The following NBPF10 variants were observed in gnomAD, a reference collection of about 807,000 sequenced individuals.
NBPF10 encodes NBPF member 10, also known as NBPF family member NBPF10.
NBPF10 carries 63 observed loss-of-function variants against 77.9 expected under a neutral mutation model. The ratio of observed to expected loss-of-function variants is 0.81; its 90% confidence interval spans 0.66 to 1.00. The LOEUF (loss-of-function observed/expected upper bound fraction) is 1.00, where lower values mean the gene tolerates loss of function less well. NBPF10 is among the 50% of genes least tolerant of loss of function. The pLI is 0.00. For missense variants in NBPF10, 522 were observed against 679.8 expected (o/e 0.77, Z 2.58); for synonymous variants, 146 against 264.5 (o/e 0.55, Z 4.35).
Position 146,142,551 on chromosome 1 carries a change from C to T in NBPF10, c.278+99G>A, listed in dbSNP as rs7364689. ...GCCTGCCATGGCAATTTCTGCCCTT[C>T]CCCTGGCCCAGCTTCGTTCTTACTT... On this transcript the variant is annotated intron_variant, in intron 2 of 89. Coordinates refer to ENST00000583866, the Ensembl canonical transcript of NBPF10. 6.5e-5 allele frequency: 41 copies of T among 632,470 alleles called. 2 individuals carry two copies. The South Asian group carries it at 7.4e-4, about 11-fold the overall frequency. 39.2% of individuals were successfully genotyped at this position (632,470 alleles called of 1,614,324 possible).
chr1:146,136,017 C>G (rs587734931), intron 7 of NBPF10, among the ~76,000 whole-genome samples: 237 of 149,804 alleles, frequency 1.6e-3, no homozygotes, highest in African/African-American at 4.3e-3. Context: ...GGAGGTGATT[C>G]TCACTAAGGG....
intron 14 of NBPF10, 67 bp downstream of exon 14, chr1:146,126,169 C>A (rs1475547097): frequency 1.1e-6 from 1 of 911,894 alleles, no homozygotes. Context: ...CGGCCACTTG[C>A]AGTAGGAATA....
chr1:146,142,625 G>C, intron 2 of NBPF10, 25 bp downstream of exon 2: 3 of 1,246,404 alleles, frequency 2.4e-6, no homozygotes, highest in Non-Finnish European at 3.4e-6. Context: ...CTACCCGCCT[G>C]CCTCCCCCTA....
Position 146,142,728 on chromosome 1 carries a change from A to T in NBPF10, c.200T>A (p.Ile67Lys). The T allele has an allele frequency of 2.2e-6, 3 of 1,359,690 alleles. 1 individual carries two copies. In the South Asian group the frequency reaches 4.0e-5, roughly 18 times the overall value. The allele number at this position is 1,359,690 out of a possible 1,614,324, so 84.2% of individuals were successfully genotyped here. ...TCGCTCATTCCTCAGCATAAATTTT[A>T]TGAGGTCTTTACACTCTTCATACTC... The change falls in exon 2 of 90, where the codon ATA becomes AAA. Residue 67 changes from isoleucine to lysine, a missense_variant. Transcript: ENST00000583866.
intron 14 of NBPF10, among the ~76,000 whole-genome samples, 176 bp downstream of exon 14, chr1:146,126,060 C>G (rs1455818668): frequency 1.3e-5 from 2 of 151,652 alleles, no homozygotes; most frequent in Admixed American, 6.6e-5. Flanking sequence ...GCTCACTGAC[C>G]CATCCCTTGT....
At chr1:146,104,815 TAC>T (rs1657197785) in intron 41 of NBPF10, among the ~76,000 whole-genome samples, 1 of 330 alleles carries the variant, frequency 3.0e-3, no homozygotes, top group African/African-American at 0.017. Flanking sequence ...GCCATGAGAA[TAC>T]AGTTTTTGAA....
chr1:146,126,359 A>G lies in NBPF10; in HGVS notation c.1903T>C (p.Ser635Pro), dbSNP rs782333643. 25 of 1,385,778 alleles carry G rather than the reference A, an allele frequency of 1.8e-5. No homozygotes were observed. The South Asian group carries it at 2.0e-4, about 11-fold the overall frequency. The allele number at this position is 1,385,778 out of a possible 1,614,324, so 85.8% of individuals were successfully genotyped here. The change falls in exon 14 of 90, where the codon TCA becomes CCA. Residue 635 changes from serine (S) to proline (P), a missense_variant. Physicochemically the swap from Ser to Pro is moderately conservative, Grantham distance 74 (BLOSUM62 -1). Transcript: ENST00000583866. ...GGAGTTGAATAACATCTATCCTGTG[A>G]GTCCTGCAAGACTTCAGGCCCTTTC...
At chr1:146,127,193 G>A (rs187451384) in intron 12 of NBPF10, 114 bp from the exon 13 acceptor site, 9,510 of 603,654 alleles carry the variant, frequency 0.016, 2,532 homozygotes, top group Middle Eastern at 0.049. Flanking sequence ...GAGAACAGGA[G>A]ACTTTCAGAG....
chr1:146,136,393 C>T (rs782660956), exon 7 of NBPF10: 3 of 1,610,314 alleles, frequency 1.9e-6, no homozygotes, highest in Admixed American at 1.7e-5. Flanking sequence ...GCAAGCTTCT[C>T]CTCCTTGAAC....
At chr1:146,135,888 T>C (rs1275172152) in intron 7 of NBPF10, among the ~76,000 whole-genome samples, 273 of 141,376 alleles carry the variant, frequency 1.9e-3, no homozygotes, top group African/African-American at 6.0e-3. Context: ...TACAAAGCCA[T>C]GTACAGAAAT....
At chr1:146,121,910 G>C (rs1571180065) in intron 19 of NBPF10, among the ~76,000 whole-genome samples, 1 of 147,558 alleles carries the variant, frequency 6.8e-6, no homozygotes, top group African/African-American at 2.6e-5. Flanking sequence ...AAGTGACCTA[G>C]TGAATTGGCC....
chr1:146,136,532 C>T (rs1659728341), intron 6 of NBPF10, 77 bp from the exon 7 acceptor site: 39 of 1,012,194 alleles, frequency 3.9e-5, no homozygotes, highest in Non-Finnish European at 2.0e-5. Flanking sequence ...GGACAGGAGC[C>T]AGGTCCATCC....
At position 146,126,957 on chromosome 1, in the gene NBPF10, A is replaced by G; in HGVS notation, c.1853+71T>C. On this transcript the variant is annotated intron_variant, in intron 13 of 89. Transcript: ENST00000583866. ...GACAAAATCATTATTTTCAGGATGTACTGTTTTCCCTGGACTTGGCATCTC... is the reference window on the plus strand; with the variant it reads ...GACAAAATCATTATTTTCAGGATGTGCTGTTTTCCCTGGACTTGGCATCTC... The G allele has an allele frequency of 5.9e-6, 3 of 505,620 alleles. No homozygotes were observed. The South Asian group carries it at 6.1e-5, about 10-fold the overall frequency. 31.3% of individuals were successfully genotyped at this position (505,620 alleles called of 1,614,324 possible). A position where few individuals can be genotyped will look rare whatever the true frequency, so the allele number is the denominator to read the frequency against.
intron 88 of NBPF10, among the ~76,000 whole-genome samples, chr1:146,067,613 T>G (rs587751525): frequency 1.3e-5 from 2 of 150,442 alleles, no homozygotes; most frequent in African/African-American, 4.9e-5. Context: ...AAAACTGCAA[T>G]ATTTAGCCCT....
exon 3 of NBPF10, chr1:146,141,691 G>T (rs1660312464): frequency 8.0e-7 from 1 of 1,250,408 alleles, no homozygotes; most frequent in Non-Finnish European, 1.1e-6. Context: ...GACTTGTCCG[G>T]CTCATCCGGA....
intron 11 of NBPF10, among the ~76,000 whole-genome samples, chr1:146,129,049 CA>C (rs1553791492): frequency 1.3e-5 from 2 of 151,054 alleles, no homozygotes; most frequent in South Asian, 2.1e-4. Flanking sequence ...AACCAGAGCA[CA>C]AAAGCTGAAA....
At chr1:146,067,460 T>A (rs1212153106) in intron 88 of NBPF10, among the ~76,000 whole-genome samples, 172 bp from the exon 89 acceptor site, 23 of 129,252 alleles carry the variant, frequency 1.8e-4, no homozygotes, top group Admixed American at 2.5e-4. Flanking sequence ...AATTCCTCGG[T>A]TTTTCTCCCA....
intron 15 of NBPF10, 88 bp downstream of exon 15, chr1:146,125,377 A>G: frequency 3.7e-6 from 1 of 273,478 alleles, no homozygotes; most frequent in Non-Finnish European, 6.5e-6. Flanking sequence ...CGTTGAAAAC[A>G]TGAAATTGAA....
intron 14 of NBPF10, 70 bp downstream of exon 14, chr1:146,126,166 T>G (rs587681230): frequency 1.1e-6 from 1 of 914,746 alleles, no homozygotes; most frequent in African/African-American, 1.6e-5. Context: ...TAACGGCCAC[T>G]TGCAGTAGGA....
Sources: allele counts gnomAD v4.1 joint callset (sites outside exome capture counted in the v4.1 genomes callset), GRCh38; gene constraint gnomAD v4.1.1; transcripts MANE v1.5; gene names NCBI Gene and HGNC (gene_info 2026-07-23, HGNC 2026-07-21).